TRAF2: variants seen among roughly 807,000 people sequenced by gnomAD.
TRAF2 encodes TNF receptor associated factor 2.
A neutral mutation model predicts 55.6 loss-of-function variants in TRAF2; 6 were observed. The observed-to-expected ratio is 0.11, with a 90% CI of 0.06 to 0.21. TRAF2 has a LOEUF of 0.21. Ranked by LOEUF, TRAF2 falls within the 10% of genes least tolerant of loss-of-function variation. The probability of loss-of-function intolerance (pLI) is 1.00; values close to 1 mark genes in which losing one functional copy is unlikely to be tolerated. For missense variants in TRAF2, 561 were observed against 684.5 expected (o/e 0.82, Z 2.01); for synonymous variants, 329 against 276.3 (o/e 1.19, Z -1.89).
intron 7 of TRAF2, among the ~76,000 whole-genome samples, chr9:136,918,804 C>T (rs535565797): frequency 8.2e-4 from 125 of 151,952 alleles, no homozygotes; most frequent in African/African-American, 2.8e-3. Flanking sequence ...GGCGCCATCT[C>T]GGCTCACTGC....
At chr9:136,900,982 G>C (rs1447642539) in intron 4 of TRAF2, among the ~76,000 whole-genome samples, 2 of 152,196 alleles carry the variant, frequency 1.3e-5, no homozygotes, top group East Asian at 3.8e-4. Context: ...ATCCACAAAG[G>C]ATTGCTTATT....
At position 136,925,742 on chromosome 9, in the gene TRAF2, C is replaced by T. The variant is rs142950766; in HGVS notation, c.1347C>T (p.Pro449=). Residue 449 remains proline, a synonymous_variant, in exon 11 of 11, where the codon CCC becomes CCT. Coordinates refer to ENST00000247668, the MANE Select transcript of TRAF2 (RefSeq NM_021138.4). ...AGCACGTGATTGACGCCTTCAGGCC[C>T]GACGTGACTTCATCCTCTTTTCAGA... ...NREHVIDAFR[P]DVTSSSFQRP... is the part of the protein sequence containing the mutation. The T allele has an allele frequency of 1.5e-4, 243 of 1,614,136 alleles. No individual in the cohort carries two copies. The highest frequency in any genetic ancestry group is 1.9e-4 in the Non-Finnish European group (223 of 1,180,060).
chr9:136,895,241 G>T (rs1188440678), intron 1 of TRAF2, among the ~76,000 whole-genome samples: 2 of 152,216 alleles, frequency 1.3e-5, no homozygotes, highest in African/African-American at 4.8e-5. Flanking sequence ...GCACACAGTG[G>T]TGCTTCGTTT....
intron 6 of TRAF2, among the ~76,000 whole-genome samples, chr9:136,914,576 TG>T (rs1479392968): frequency 6.6e-6 from 1 of 152,218 alleles, no homozygotes; most frequent in Non-Finnish European, 1.5e-5. Context: ...GAAAATACAT[TG>T]TGGGTTCACA....
At chr9:136,921,696 CT>C (rs11404322) in intron 9 of TRAF2, among the ~76,000 whole-genome samples, 204 of 146,546 alleles carry the variant, frequency 1.4e-3, no homozygotes, top group Admixed American at 2.4e-3. Context: ...ACTCCCCCAC[CT>C]TTTTTTTTTT....
intron 1 of TRAF2, 109 bp downstream of exon 1, chr9:136,886,650 G>A: frequency 1.9e-5 from 15 of 805,698 alleles, no homozygotes; most frequent in Non-Finnish European, 2.1e-5. Flanking sequence ...GGAGACTCCG[G>A]GCCGGAGCGG....
Position 136,899,616 on chromosome 9 carries a change from G to T in TRAF2, c.211G>T (p.Ala71Ser). 6.2e-7 allele frequency: 1 copy of T among 1,613,322 alleles called. No homozygotes were observed. The highest frequency in any genetic ancestry group is 1.1e-5 in the South Asian group (1 of 91,062). The change falls in exon 3 of 11, where the codon GCC becomes TCC. Residue 71 changes from alanine (A) to serine (S), a missense_variant. Ala to Ser is a moderately conservative substitution (Grantham distance 99). Transcript: ENST00000247668. ...TAGCTCTGGGCCTCAGAACTGTGCT[G>T]CCTGTGTTCACGAGGGCATATATGA... is the stretch of plus-strand genomic sequence containing the variant. ...ILSSGPQNCA[A>S]CVHEGIYEEG...
intron 1 of TRAF2, among the ~76,000 whole-genome samples, chr9:136,892,511 TTAAAAA>T (rs1849601322): frequency 6.6e-6 from 1 of 152,232 alleles, no homozygotes; most frequent in Admixed American, 6.5e-5. Flanking sequence ...CCAATGATAC[TTAAAAA>T]TAGAAAATTT....
At chr9:136,917,286 C>T (rs1293805663) in intron 7 of TRAF2, among the ~76,000 whole-genome samples, 1 of 152,238 alleles carries the variant, frequency 6.6e-6, no homozygotes, top group East Asian at 1.9e-4. Context: ...TCCCTCCCCT[C>T]AGCTATCTCC....
intron 9 of TRAF2, among the ~76,000 whole-genome samples, chr9:136,923,368 T>C (rs1850443204): frequency 6.6e-6 from 1 of 152,184 alleles, no homozygotes; most frequent in South Asian, 2.1e-4. Flanking sequence ...CCCAGCACTT[T>C]GTGAGGCCAA....
At chr9:136,898,105 C>T (rs979655826) in intron 1 of TRAF2, among the ~76,000 whole-genome samples, 13 of 151,502 alleles carry the variant, frequency 8.6e-5, no homozygotes, top group East Asian at 7.7e-4. Context: ...TTCCCGCTCT[C>T]GGGGCTGGAG....
chr9:136,899,189 A>G (rs1391025571), intron 2 of TRAF2, among the ~76,000 whole-genome samples: 1 of 152,232 alleles, frequency 6.6e-6, no homozygotes, highest in Admixed American at 6.5e-5. Context: ...TATTATTTTT[A>G]ATGTGAGTAC....
chr9:136,903,784 C>A (rs1277967672), intron 4 of TRAF2, among the ~76,000 whole-genome samples: 1 of 152,114 alleles, frequency 6.6e-6, no homozygotes, highest in African/African-American at 2.4e-5. Context: ...CGGGTTCACA[C>A]CATTCTTCCT....
rs561809557 is a variant in TRAF2 at position 136,926,099 on chromosome 9, C to T, written c.*198C>T. ...GCCAGTCCTCAGATTTCAGAGACTG[C>T]GGAGGGGCTTGGCAGACGGTCTTAG... On this transcript the variant is annotated 3_prime_UTR_variant, in exon 11 of 11. Transcript: ENST00000247668. 9.5e-4 allele frequency: 741 copies of T among 783,340 alleles called. 12 individuals are homozygous for T. The highest frequency in any genetic ancestry group is 9.2e-3 in the South Asian group (667 of 72,424). 48.5% of individuals were successfully genotyped at this position (783,340 alleles called of 1,614,324 possible). A position where few individuals can be genotyped will look rare whatever the true frequency, so the allele number is the denominator to read the frequency against.
intron 2 of TRAF2, 92 bp downstream of exon 2, chr9:136,899,020 G>T: frequency 7.4e-7 from 1 of 1,353,190 alleles, no homozygotes; most frequent in Non-Finnish European, 1.0e-6. Context: ...CAGCAGAGCC[G>T]GGTCCAGCTT....
chr9:136,885,002 C>T (rs182021371), upstream of TRAF2, among the ~76,000 whole-genome samples: 30 of 152,318 alleles, frequency 2.0e-4, no homozygotes, highest in Non-Finnish European at 3.8e-4. Context: ...CAGGTGCGGA[C>T]TTGGGACGTT....
At chr9:136,910,572 G>T (rs1247925181) in intron 6 of TRAF2, among the ~76,000 whole-genome samples, 1 of 152,248 alleles carries the variant, frequency 6.6e-6, no homozygotes, top group African/African-American at 2.4e-5. Flanking sequence ...TGCCTCCCTT[G>T]TTGGAGGTGT....
At chr9:136,920,896 G>A in intron 8 of TRAF2, 142 bp from the exon 9 acceptor site, 1 of 1,044,632 alleles carries the variant, frequency 9.6e-7, no homozygotes, top group Non-Finnish European at 1.4e-6. Context: ...TTGGGTTCTT[G>A]TGTGCAGGGA....
At chr9:136,920,552 A>G (rs773538405) in intron 8 of TRAF2, 37 bp downstream of exon 8, 1 of 1,579,426 alleles carries the variant, frequency 6.3e-7, no homozygotes, top group Non-Finnish European at 8.6e-7. Context: ...TGAGGAGGAC[A>G]GTGTAAAGGG....
Sources: allele counts gnomAD v4.1 joint callset (sites outside exome capture counted in the v4.1 genomes callset), GRCh38; gene constraint gnomAD v4.1.1; transcripts MANE v1.5; gene names NCBI Gene and HGNC (gene_info 2026-07-23, HGNC 2026-07-21).